The following ST3GAL3 variants were observed in gnomAD, a reference collection of about 807,000 sequenced individuals.
The protein encoded by ST3GAL3 is CMP-N-acetylneuraminate-beta-1,4-galactoside alpha-2,3-sialyltransferase.
A neutral mutation model predicts 50.1 loss-of-function variants in ST3GAL3; 21 were observed. The ratio of observed to expected loss-of-function variants is 0.42; its 90% CI spans 0.30 to 0.60. ST3GAL3 has a LOEUF of 0.60. Ranked by LOEUF, ST3GAL3 falls within the 20% of genes least tolerant of loss-of-function variation. The pLI is 0.19. For missense variants in ST3GAL3, 353 were observed against 489.4 expected, an observed-to-expected ratio of 0.72 and a Z score of 2.63; for synonymous variants, 183 against 190.0, an observed-to-expected ratio of 0.96 and a Z score of 0.30.
chr1:43,884,288 C>T (rs375974584), intron 5 of ST3GAL3, among the ~76,000 whole-genome samples: 35 of 152,338 alleles, frequency 2.3e-4, no homozygotes, highest in African/African-American at 8.2e-4. Context: ...TCTCTCAGGA[C>T]ATATGATGCC....
rs1420254422 is a variant in ST3GAL3 at position 43,743,395 on chromosome 1, T to C, written c.118+7015T>C. The stretch of plus-strand genomic sequence containing the variant: ...CATTTGGTGTGGACATGGTGCCTCT[T>C]TAGTGAAGCAGCAACTGATATCTCT... On this transcript the variant is annotated intron_variant, in intron 2 of 11. Coordinates refer to ENST00000347631, the MANE Select transcript of ST3GAL3 (RefSeq NM_006279.5). 1.1e-5 allele frequency: 3 copies of C among 276,086 alleles called. No homozygotes were observed. In the Admixed American group the frequency reaches 1.4e-4, roughly 13 times the overall value. The allele number at this position is 276,086 out of a possible 1,614,324, so 17.1% of individuals were successfully genotyped here.
intron 2 of ST3GAL3, among the ~76,000 whole-genome samples, chr1:43,746,898 T>C (rs1006558296): frequency 6.6e-6 from 1 of 151,802 alleles, no homozygotes; most frequent in Non-Finnish European, 1.5e-5. Context: ...AAGTAGCTGG[T>C]ACTACAGGCA....
chr1:43,801,123 C>T (rs6676424), intron 3 of ST3GAL3, among the ~76,000 whole-genome samples: 1 of 152,086 alleles, frequency 6.6e-6, no homozygotes, highest in Admixed American at 6.5e-5. Context: ...AATTATAATT[C>T]GAAGCACGGC....
chr1:43,791,984 C>T (rs533992311), intron 2 of ST3GAL3, 118 bp from the exon 3 acceptor site: 22 of 1,233,718 alleles, frequency 1.8e-5, no homozygotes, highest in East Asian at 1.4e-4. Context: ...CTGGGCTGTT[C>T]GACTGAGTTC....
At chr1:43,918,251 G>A (rs1239001623) in intron 9 of ST3GAL3, among the ~76,000 whole-genome samples, 2 of 151,256 alleles carry the variant, frequency 1.3e-5, no homozygotes, top group South Asian at 4.2e-4. Context: ...CCGATGGCGT[G>A]AGACTACAGG....
chr1:43,835,564 C>T (rs1336622769), intron 4 of ST3GAL3, among the ~76,000 whole-genome samples: 1 of 152,084 alleles, frequency 6.6e-6, no homozygotes, highest in Non-Finnish European at 1.5e-5. Flanking sequence ...CTGCTGGGCT[C>T]CAGCTCCCTC....
intron 1 of ST3GAL3, among the ~76,000 whole-genome samples, chr1:43,716,884 A>G (rs150028899): frequency 6.6e-6 from 1 of 152,260 alleles, no homozygotes; most frequent in East Asian, 1.9e-4. Flanking sequence ...TTTGAGGGCA[A>G]ATGGCCTGGG....
At position 43,931,077 on chromosome 1, in the gene ST3GAL3, G is replaced by A. The variant is rs2084946845; in HGVS notation, c.*856G>A. The A allele has an allele frequency of 6.5e-6, 1 of 152,832 alleles. No homozygotes were observed. The highest frequency in any genetic ancestry group is 2.1e-4 in the South Asian group (1 of 4,836). The allele number at this position is 152,832 out of a possible 1,614,324, so 9.5% of individuals were successfully genotyped here. On this transcript the variant is annotated 3_prime_UTR_variant, in exon 12 of 12. Coordinates refer to ENST00000347631, the MANE Select transcript of ST3GAL3 (RefSeq NM_006279.5). ...GGTTCTGCCTTTAGCCTGGACCAAA[G>A]GGAAGTGAGGCCCAAGGAGCTTACC...
chr1:43,780,231 CAGT>C (rs1558266610), intron 2 of ST3GAL3, among the ~76,000 whole-genome samples: 1 of 152,162 alleles, frequency 6.6e-6, no homozygotes, highest in East Asian at 1.9e-4. Context: ...CATTTTCCCT[CAGT>C]ATTTTGAAGA....
chr1:43,801,518 G>A, intron 3 of ST3GAL3: 1 of 375,686 alleles, frequency 2.7e-6, no homozygotes, highest in Non-Finnish European at 5.3e-6. Context: ...GCACAGCCTG[G>A]TGCTCCCAAC....
At position 43,721,859 on chromosome 1, in the gene ST3GAL3, C is replaced by T. The variant is rs192559152; in HGVS notation, c.-31+14166C>T. On this transcript the variant is annotated intron_variant, in intron 1 of 11. Transcript: ENST00000347631. ...AAGGTGATCTGCCTGCCTTGGCCTCCCAAAGTGCTGGGCTTACAGGCGTGA... is the reference window on the plus strand; with the variant it reads ...AAGGTGATCTGCCTGCCTTGGCCTCTCAAAGTGCTGGGCTTACAGGCGTGA... 1.2e-3 allele frequency among the ~76,000 whole-genome samples: 176 copies of T among 152,194 alleles called. 1 individual carries two copies. The highest frequency in any genetic ancestry group is 2.3e-3 in the Admixed American group (35 of 15,272).
At chr1:43,915,476 A>G (rs1276735290) in intron 9 of ST3GAL3, among the ~76,000 whole-genome samples, 2 of 152,214 alleles carry the variant, frequency 1.3e-5, no homozygotes, top group Admixed American at 6.5e-5. Context: ...ATGGTGAGTG[A>G]GCAGATCTGA....
At chr1:43,825,606 G>A (rs969001569) in intron 4 of ST3GAL3, among the ~76,000 whole-genome samples, 4 of 152,222 alleles carry the variant, frequency 2.6e-5, no homozygotes, top group Non-Finnish European at 5.9e-5. Context: ...TGGAGGAATG[G>A]GCAGAGACCA....
intron 1 of ST3GAL3, among the ~76,000 whole-genome samples, chr1:43,724,222 A>T (rs1049319070): frequency 5.9e-5 from 9 of 151,582 alleles, no homozygotes; most frequent in East Asian, 1.9e-4. Flanking sequence ...TTATTTATTT[A>T]TTTTTTGAGA....
At chr1:43,884,155 G>GGGCCGTGTTTTCCAGCTCCATCTA in intron 5 of ST3GAL3, among the ~76,000 whole-genome samples, 1 of 152,276 alleles carries the variant, frequency 6.6e-6, no homozygotes. Flanking sequence ...TTGTTGGATG[G>GGGCCGTGTTTTCCAGCTCCATCTA]GGCCGTGTTT....
chr1:43,810,571 A>G (rs1478556757), intron 3 of ST3GAL3, among the ~76,000 whole-genome samples: 1 of 152,112 alleles, frequency 6.6e-6, no homozygotes, highest in Admixed American at 6.5e-5. Flanking sequence ...AGGGGACTTT[A>G]TTTGTTCAGG....
chr1:43,751,676 C>T (rs1686144611), intron 2 of ST3GAL3, among the ~76,000 whole-genome samples: 1 of 152,194 alleles, frequency 6.6e-6, no homozygotes, highest in Admixed American at 6.5e-5. Flanking sequence ...TCAAAATCAA[C>T]AGCAGTAAAC....
chr1:43,855,755 A>T (rs1169731413), intron 5 of ST3GAL3, among the ~76,000 whole-genome samples: 1 of 152,126 alleles, frequency 6.6e-6, no homozygotes, highest in East Asian at 1.9e-4. Context: ...TAAAATTTTT[A>T]AAAATATATT....
chr1:43,804,492 T>C lies in ST3GAL3; in HGVS notation c.167-10399T>C, dbSNP rs972326633. ...TAAAGTGCTTGTCAGGTAAAGACCT[T>C]GGTTGAGATGGAGCAGACAGACGCC... On this transcript the variant is annotated intron_variant, in intron 3 of 11. Coordinates refer to ENST00000347631, the MANE Select transcript of ST3GAL3 (RefSeq NM_006279.5). Among the ~76,000 whole-genome samples, 4 of 152,010 alleles carry C rather than the reference T, an allele frequency of 2.6e-5. No homozygotes were observed. In the East Asian group the frequency reaches 5.8e-4, roughly 22 times the overall value.
Sources: gnomAD v4.1 joint callset for allele counts (sites outside exome capture counted in the v4.1 genomes callset) on GRCh38, gnomAD v4.1.1 for gene constraint, MANE v1.5 for transcripts, NCBI Gene and HGNC (gene_info 2026-07-23, HGNC 2026-07-21) for gene names.